The following PDGFRL variants were observed in gnomAD, a reference collection of about 807,000 sequenced individuals.
PDGFRL encodes platelet derived growth factor receptor like.
Under a neutral mutation model 37.2 loss-of-function variants are expected in PDGFRL, and 46 were observed. The observed-to-expected ratio is 1.24, with a 90% confidence interval of 0.98 to 1.58. The LOEUF (loss-of-function observed/expected upper bound fraction) is 1.58, where lower values mean the gene tolerates loss of function less well. PDGFRL is among the 40% of genes most tolerant of loss of function. PDGFRL has a pLI of 0.00. For synonymous variants in PDGFRL, 251 were observed against 184.3 expected (o/e 1.36, Z -2.93); for missense variants, 692 against 467.6 (o/e 1.48, Z -4.43).
intron 1 of PDGFRL, among the ~76,000 whole-genome samples, chr8:17,587,420 C>A (rs925548244): frequency 2.0e-5 from 3 of 152,114 alleles, no homozygotes; most frequent in Admixed American, 2.0e-4. Flanking sequence ...AGCTTGAATT[C>A]CTGTTACATG....
intron 1 of PDGFRL, among the ~76,000 whole-genome samples, chr8:17,584,895 T>G (rs1364427789): frequency 6.6e-6 from 1 of 152,096 alleles, no homozygotes; most frequent in African/African-American, 2.4e-5. Flanking sequence ...AATGGCTTCT[T>G]CATAGGCAGA....
At chr8:17,632,218 C>T (rs191656402) in intron 4 of PDGFRL, among the ~76,000 whole-genome samples, 2 of 152,338 alleles carry the variant, frequency 1.3e-5, no homozygotes, top group Admixed American at 6.5e-5. Context: ...TACTGTTTCT[C>T]TCCATCCTCA....
intron 2 of PDGFRL, among the ~76,000 whole-genome samples, chr8:17,611,616 G>C (rs1225259701): frequency 6.6e-6 from 1 of 152,180 alleles, no homozygotes; most frequent in East Asian, 1.9e-4. Context: ...GGTTTGGTGA[G>C]GAGCTAGATG....
intron 4 of PDGFRL, among the ~76,000 whole-genome samples, chr8:17,633,756 A>AG (rs372225007): frequency 9.1e-4 from 139 of 152,192 alleles, no homozygotes; most frequent in African/African-American, 3.2e-3. Context: ...CTTCTTCCCT[A>AG]GGGACTTCTT....
In PDGFRL at chr8:17,638,785, AT is replaced by A. The variant is rs1202905147; in HGVS notation, c.940-3827del. Among the ~76,000 whole-genome samples the A allele has an allele frequency of 6.7e-4, 69 of 103,026 alleles. 1 individual carries two copies. The highest frequency in any genetic ancestry group is 5.1e-3 in the Middle Eastern group (1 of 196). 67.6% of individuals were successfully genotyped at this position (103,026 alleles called of 152,430 possible). A position where few individuals can be genotyped will look rare whatever the true frequency, so the allele number is the denominator to read the frequency against. On this transcript the variant is annotated intron_variant, in intron 5 of 5. Transcript: ENST00000251630. The stretch of plus-strand genomic sequence containing the variant: ...TATATATATATATATATATATATAT[AT>A]AATTGTGATATTTTCCTGTTGGGCA...
intron 2 of PDGFRL, among the ~76,000 whole-genome samples, chr8:17,597,043 CAA>C (rs980147864): frequency 5.3e-5 from 8 of 151,568 alleles, no homozygotes; most frequent in Non-Finnish European, 1.2e-4. Context: ...TGTTTTTTGG[CAA>C]AGTCTTGCTC....
chr8:17,618,125 C>A (rs1804564190), intron 2 of PDGFRL, among the ~76,000 whole-genome samples: 1 of 152,038 alleles, frequency 6.6e-6, no homozygotes, highest in South Asian at 2.1e-4. Context: ...TGGTGGGAAT[C>A]ATAGCTCATT....
At chr8:17,627,961 A>C (rs1442172879) in intron 3 of PDGFRL, among the ~76,000 whole-genome samples, 1 of 143,994 alleles carries the variant, frequency 6.9e-6, no homozygotes, top group Non-Finnish European at 1.5e-5. Flanking sequence ...CTGGGCTTGT[A>C]CTGATACCTT....
At chr8:17,615,881 G>T (rs1019182217) in intron 2 of PDGFRL, among the ~76,000 whole-genome samples, 3 of 152,208 alleles carry the variant, frequency 2.0e-5, no homozygotes, top group Non-Finnish European at 4.4e-5. Flanking sequence ...TGTACTCAAA[G>T]CCTGGGCAAG....
At position 17,634,094 on chromosome 8, in the gene PDGFRL, A is replaced by C; in HGVS notation, c.820A>C (p.Thr274Pro). 1 of 1,614,088 alleles carries C rather than the reference A, an allele frequency of 6.2e-7. No individual in the cohort carries two copies. The highest frequency in any genetic ancestry group is 8.5e-7 in the Non-Finnish European group (1 of 1,179,950). Residue 274 changes from threonine to proline, a missense_variant, in exon 5 of 6, where the codon ACA becomes CCA. By Grantham distance (38) the Thr-to-Pro change is conservative. Coordinates refer to ENST00000251630, the MANE Select transcript of PDGFRL (RefSeq NM_001372073.1). ...YVAVPSGPPS[T>P]TILASSNKVK... ...TCCAGTTCCCAGTGGCCCTCCCTCA[A>C]CAACCATCTTGGCTTCTTCAAACAA...
At chr8:17,596,357 C>A in intron 2 of PDGFRL, 3 of 1,237,980 alleles carry the variant, frequency 2.4e-6, no homozygotes, top group South Asian at 3.9e-5. Flanking sequence ...AGCCAACGCG[C>A]CCGCAGGACC....
rs552027815 is a variant in PDGFRL, at chr8:17,591,807, G to A, written c.353+2042G>A. ...TGCATGTCTCTAGTCCCAGCTACTC[G>A]GAAGGCTGAGGCAGGAGGGGATTGC... is the stretch of plus-strand genomic sequence containing the variant. On this transcript the variant is annotated intron_variant, in intron 2 of 5. Coordinates refer to ENST00000251630, the MANE Select transcript of PDGFRL (RefSeq NM_001372073.1). 3.1e-3 allele frequency among the ~76,000 whole-genome samples: 474 copies of A among 152,174 alleles called. 2 individuals carry two copies. The highest frequency in any genetic ancestry group is 5.3e-3 in the Non-Finnish European group (360 of 67,992).
intron 5 of PDGFRL, among the ~76,000 whole-genome samples, chr8:17,638,407 G>A (rs1468486960): frequency 6.6e-6 from 1 of 151,992 alleles, no homozygotes; most frequent in Non-Finnish European, 1.5e-5. Flanking sequence ...GTCTGAGAGA[G>A]TACTTGATAT....
chr8:17,604,759 T>C (rs1234342526), intron 2 of PDGFRL, among the ~76,000 whole-genome samples: 1 of 152,134 alleles, frequency 6.6e-6, no homozygotes, highest in Non-Finnish European at 1.5e-5. Context: ...AAAAAAAATT[T>C]AGAGCAAAAT....
intron 2 of PDGFRL, among the ~76,000 whole-genome samples, chr8:17,605,000 G>T (rs2588128): frequency 6.6e-6 from 1 of 151,872 alleles, no homozygotes; most frequent in Non-Finnish European, 1.5e-5. Context: ...GCCTATAGTC[G>T]TAGCTACCTG....
At position 17,628,728 on chromosome 8, in the gene PDGFRL, G is replaced by A. The variant is rs1217593982; in HGVS notation, c.747G>A (p.Glu249=). Residue 249 remains glutamate (E), a synonymous_variant, in exon 4 of 6, where the codon GAG becomes GAA. Transcript: ENST00000251630. The stretch of plus-strand genomic sequence containing the variant: ...AGGGTGTGGTTTACTGCAGGGCGGA[G>A]GCCGGGGGCAGATCTCAGATCTCCG... ...EHQGVVYCRA[E]AGGRSQISVK... 3 of 1,614,010 alleles carry A rather than the reference G, an allele frequency of 1.9e-6. No individual in the cohort carries two copies. In the Admixed American group the frequency reaches 5.0e-5, roughly 27 times the overall value.
intron 1 of PDGFRL, among the ~76,000 whole-genome samples, chr8:17,584,941 G>A (rs997051974): frequency 3.9e-5 from 6 of 151,942 alleles, no homozygotes; most frequent in Admixed American, 6.6e-5. Context: ...TTATACTTAC[G>A]GTTACTTCTT....
At chr8:17,597,328 G>T (rs1400426921) in intron 2 of PDGFRL, among the ~76,000 whole-genome samples, 5 of 152,206 alleles carry the variant, frequency 3.3e-5, no homozygotes, top group Non-Finnish European at 7.3e-5. Flanking sequence ...GCCAAGCCTT[G>T]TAGTTATAAC....
intron 2 of PDGFRL, among the ~76,000 whole-genome samples, chr8:17,595,919 G>A (rs1231747393): frequency 6.6e-6 from 1 of 152,228 alleles, no homozygotes; most frequent in Non-Finnish European, 1.5e-5. Context: ...TCAACCCAAG[G>A]TGAACCCACC....
Sources: allele counts gnomAD v4.1 joint callset (sites outside exome capture counted in the v4.1 genomes callset), GRCh38; gene constraint gnomAD v4.1.1; transcripts MANE v1.5; gene names NCBI Gene and HGNC (gene_info 2026-07-23, HGNC 2026-07-21).